AGBL4: variants seen among roughly 807,000 people sequenced by gnomAD.
AGBL4 encodes the protein AGBL carboxypeptidase 4, also known as cytosolic carboxypeptidase 6.
In AGBL4, 58 loss-of-function variants were observed where a neutral mutation model predicts 66.4. The ratio of observed to expected loss-of-function variants is 0.87; its 90% CI spans 0.71 to 1.09. AGBL4 has a LOEUF of 1.09. Ranked by LOEUF, AGBL4 falls within the 50% of genes least tolerant of loss-of-function variation. The pLI is 0.00. For synonymous variants in AGBL4, 234 were observed against 222.9 expected (o/e 1.05, Z -0.44); for missense variants, 579 against 631.0 (o/e 0.92, Z 0.88).
chr1:48,918,929 G>T (rs1201068592), intron 5 of AGBL4, among the ~76,000 whole-genome samples: 1 of 152,118 alleles, frequency 6.6e-6, no homozygotes, highest in Non-Finnish European at 1.5e-5. Flanking sequence ...ATCTCCCCAA[G>T]TCCCCTTCTC....
intron 3 of AGBL4, among the ~76,000 whole-genome samples, chr1:49,472,795 G>C (rs1328192027): frequency 6.6e-6 from 1 of 151,980 alleles, no homozygotes; most frequent in Non-Finnish European, 1.5e-5. Flanking sequence ...CCAGTAGGTA[G>C]TTTTTCAGCC....
chr1:48,702,841 C>A (rs1477889662), intron 6 of AGBL4, among the ~76,000 whole-genome samples: 1 of 152,138 alleles, frequency 6.6e-6, no homozygotes, highest in Non-Finnish European at 1.5e-5. Flanking sequence ...TAGAAGTTGA[C>A]CCTGGAGTAA....
the AGBL4 span, among the ~76,000 whole-genome samples, chr1:48,524,840 G>C: frequency 6.7e-6 from 1 of 150,068 alleles, no homozygotes; most frequent in Non-Finnish European, 1.5e-5. Context: ...TCTCTCCCCA[G>C]CTTTCTCCTT....
At chr1:49,974,845 A>G (rs1034688517) in intron 1 of AGBL4, among the ~76,000 whole-genome samples, 1 of 152,208 alleles carries the variant, frequency 6.6e-6, no homozygotes, top group Non-Finnish European at 1.5e-5. Flanking sequence ...ATTTTTAAAT[A>G]CATATGCTTT....
At chr1:49,670,440 C>T (rs1192128349) in intron 3 of AGBL4, among the ~76,000 whole-genome samples, 1 of 152,152 alleles carries the variant, frequency 6.6e-6, no homozygotes, top group Non-Finnish European at 1.5e-5. Context: ...AAGCCTACAG[C>T]TTTGCTGATC....
chr1:49,128,275 TA>T (rs1193421326), intron 4 of AGBL4, among the ~76,000 whole-genome samples: 2 of 151,966 alleles, frequency 1.3e-5, no homozygotes, highest in Non-Finnish European at 2.9e-5. Context: ...CATTATGCCA[TA>T]TATTGGAAGG....
At chr1:49,675,447 G>A (rs778245333) in intron 3 of AGBL4, among the ~76,000 whole-genome samples, 8 of 151,886 alleles carry the variant, frequency 5.3e-5, no homozygotes, top group Non-Finnish European at 1.0e-4. Flanking sequence ...GAGGTAAGCC[G>A]GGAAAAATTA....
chr1:48,757,167 G>A (rs1287097597), intron 6 of AGBL4, among the ~76,000 whole-genome samples: 1 of 152,026 alleles, frequency 6.6e-6, no homozygotes, highest in Non-Finnish European at 1.5e-5. Context: ...TCTGTTTTTG[G>A]TGTACTTCCC....
At chr1:48,740,814 A>G (rs115659392) in intron 6 of AGBL4, among the ~76,000 whole-genome samples, 5 of 152,300 alleles carry the variant, frequency 3.3e-5, no homozygotes, top group Non-Finnish European at 7.4e-5. Context: ...TGGGATGTGG[A>G]GATGCTGTTC....
chr1:49,792,310 T>C (rs1453218860), intron 2 of AGBL4, among the ~76,000 whole-genome samples: 1 of 151,934 alleles, frequency 6.6e-6, no homozygotes, highest in Non-Finnish European at 1.5e-5. Context: ...TGATAGAGAA[T>C]ATATTAAAAA....
At chr1:49,917,920 A>G (rs982254780) in intron 1 of AGBL4, among the ~76,000 whole-genome samples, 16 of 152,210 alleles carry the variant, frequency 1.1e-4, no homozygotes, top group Admixed American at 5.9e-4. Context: ...AGAACTCAGG[A>G]TTAAGAAACT....
chr1:49,721,783 G>T (rs1648632858), intron 2 of AGBL4, among the ~76,000 whole-genome samples: 1 of 152,044 alleles, frequency 6.6e-6, no homozygotes, highest in South Asian at 2.1e-4. Context: ...ATCTTCAGGT[G>T]TTTGTTAAGG....
At chr1:49,440,932 C>A (rs1405747909) in intron 3 of AGBL4, among the ~76,000 whole-genome samples, 2 of 152,066 alleles carry the variant, frequency 1.3e-5, no homozygotes, top group Admixed American at 1.3e-4. Flanking sequence ...TTCCCCATCC[C>A]CAGTAGTGGC....
intron 6 of AGBL4, among the ~76,000 whole-genome samples, chr1:48,860,433 G>A (rs1309012877): frequency 6.6e-6 from 1 of 152,216 alleles, no homozygotes; most frequent in African/African-American, 2.4e-5. Flanking sequence ...AAATCTGAAT[G>A]TAGAAGAAGA....
chr1:48,801,984 C>T (rs552875953), intron 6 of AGBL4, among the ~76,000 whole-genome samples: 30 of 151,918 alleles, frequency 2.0e-4, no homozygotes, highest in African/African-American at 4.3e-4. Context: ...TTTCTAACAT[C>T]GTCTTCCCCA....
intron 5 of AGBL4, among the ~76,000 whole-genome samples, chr1:49,042,424 ATAGT>A (rs1315745388): frequency 6.6e-6 from 1 of 152,178 alleles, no homozygotes; most frequent in Non-Finnish European, 1.5e-5. Flanking sequence ...ATTCTCCCAC[ATAGT>A]TAGAGGACCA....
intron 9 of AGBL4, among the ~76,000 whole-genome samples, chr1:48,594,366 A>G (rs319963): frequency 0.38 from 57,142 of 151,814 alleles, 11,139 homozygotes; most frequent in South Asian, 0.52. Context: ...CAATAAAAGT[A>G]ATTTGCATTC....
chr1:49,210,887 A>G (rs1178419464), intron 4 of AGBL4, among the ~76,000 whole-genome samples: 3 of 152,100 alleles, frequency 2.0e-5, no homozygotes, highest in Non-Finnish European at 4.4e-5. Context: ...TTGAAAGTAT[A>G]TTACTTTTTC....
chr1:48,642,823 G>A (rs1424431441), intron 8 of AGBL4, among the ~76,000 whole-genome samples: 2 of 152,154 alleles, frequency 1.3e-5, no homozygotes, highest in Admixed American at 6.5e-5. Flanking sequence ...GGGCATAAAA[G>A]TCTTTCATGT....
Sources: allele counts gnomAD v4.1 joint callset (sites outside exome capture counted in the v4.1 genomes callset), GRCh38; gene constraint gnomAD v4.1.1; transcripts MANE v1.5; gene names NCBI Gene and HGNC (gene_info 2026-07-23, HGNC 2026-07-21).